Variants in NGLY1 observed in about 807,000 individuals in gnomAD.
The protein encoded by NGLY1 is peptide-N(4)-(N-acetyl-beta-glucosaminyl)asparagine amidase.
NGLY1 carries 68 observed loss-of-function variants against 84.6 expected under a neutral mutation model. The observed-to-expected ratio is 0.80, with a 90% CI of 0.66 to 0.98. The LOEUF (loss-of-function observed/expected upper bound fraction) is 0.98, where lower values mean the gene tolerates loss of function less well. Ranked by LOEUF, NGLY1 falls within the 50% of genes least tolerant of loss-of-function variation. NGLY1 has a pLI of 0.00. For synonymous variants in NGLY1, 280 were observed against 275.2 expected (o/e 1.02, Z -0.17); for missense variants, 779 against 770.2 (o/e 1.01, Z -0.14).
chr3:25,761,599 T>G (rs1707326862), intron 3 of NGLY1, among the ~76,000 whole-genome samples: 1 of 152,246 alleles, frequency 6.6e-6, no homozygotes, highest in African/African-American at 2.4e-5. Context: ...AAGCCTCACA[T>G]ATTTCTGATG....
intron 9 of NGLY1, 147 bp downstream of exon 9, chr3:25,732,172 G>T: frequency 1.6e-6 from 1 of 607,618 alleles, no homozygotes; most frequent in Non-Finnish European, 2.7e-6. Flanking sequence ...TCAATTACTG[G>T]TTCTCTTCAA....
chr3:25,788,401 T>C (rs971936203), upstream of NGLY1, among the ~76,000 whole-genome samples: 3 of 152,142 alleles, frequency 2.0e-5, no homozygotes, highest in African/African-American at 7.2e-5. Context: ...ATTTGAAGAT[T>C]TTGGTGCAAG....
intron 1 of NGLY1, chr3:25,789,836 C>T (rs1460435306): frequency 2.6e-6 from 4 of 1,551,614 alleles, no homozygotes; most frequent in Non-Finnish European, 3.5e-6. Context: ...AAGAAAAATG[C>T]CTTTTTGATG....
intron 3 of NGLY1, among the ~76,000 whole-genome samples, chr3:25,757,237 G>A (rs1411122915): frequency 6.6e-6 from 1 of 152,126 alleles, no homozygotes; most frequent in Non-Finnish European, 1.5e-5. Flanking sequence ...AACTTCATAG[G>A]AGATAAATAT....
chr3:25,759,106 G>C (rs1707180365), intron 3 of NGLY1, among the ~76,000 whole-genome samples: 1 of 152,238 alleles, frequency 6.6e-6, no homozygotes, highest in African/African-American at 2.4e-5. Flanking sequence ...TCCAAGATGG[G>C]GCACTGTCCA....
intron 2 of NGLY1, among the ~76,000 whole-genome samples, chr3:25,777,497 C>G (rs941207587): frequency 1.3e-5 from 2 of 151,426 alleles, no homozygotes; most frequent in East Asian, 1.9e-4. Context: ...GTGTCCTGGT[C>G]TCTGCCTCCC....
Position 25,718,977 on chromosome 3 carries a change from C to A in NGLY1, c.*483G>T, listed in dbSNP as rs895395651. 4 of 152,040 alleles carry A rather than the reference C, an allele frequency of 2.6e-5. No homozygotes were observed. Among genetic ancestry groups the A allele is most frequent in the African/African-American group, 9.7e-5 (4 of 41,402 alleles). 9.4% of individuals were successfully genotyped at this position (152,040 alleles called of 1,614,324 possible). A position where few individuals can be genotyped will look rare whatever the true frequency, so the allele number is the denominator to read the frequency against. ...AATACTTCATTTTATTTCTTAAATGCCTGAATATTTATAATCATATAAATT... is the reference window on the plus strand; with the variant it reads ...AATACTTCATTTTATTTCTTAAATGACTGAATATTTATAATCATATAAATT... On this transcript the variant is annotated 3_prime_UTR_variant, in exon 12 of 12. Coordinates refer to ENST00000280700, the MANE Select transcript of NGLY1 (RefSeq NM_018297.4).
At position 25,764,067 on chromosome 3, in the gene NGLY1, G is replaced by T. The variant is rs749441809; in HGVS notation, c.491C>A (p.Thr164Lys). The stretch of plus-strand genomic sequence containing the variant: ...AAGAAGGTTTAATTCTAACATTACC[G>T]TTGAAGCAGATGGTGGATCTGATGA... Reference protein sequence around the residue: ...GQSSDPPSASTVAADSAILEV... With the variant: ...GQSSDPPSASKVAADSAILEV... Residue 164 changes from threonine (T) to lysine (K), a missense_variant and splice_region_variant, in exon 3 of 12, where the codon ACG becomes AAG. By Grantham distance (78) the Thr-to-Lys change is moderately conservative (BLOSUM62 -1). Transcript: ENST00000280700. The T allele has an allele frequency of 1.2e-6, 2 of 1,613,972 alleles. No homozygotes were observed. The highest frequency in any genetic ancestry group is 2.2e-5 in the South Asian group (2 of 91,060).
chr3:25,785,063 A>G (rs1356919036), upstream of NGLY1, among the ~76,000 whole-genome samples: 1 of 151,730 alleles, frequency 6.6e-6, no homozygotes. Context: ...TCCACAGACA[A>G]TACTTGAAAA....
intron 10 of NGLY1, among the ~76,000 whole-genome samples, chr3:25,728,134 C>G (rs190012290): frequency 6.6e-6 from 1 of 152,014 alleles, no homozygotes; most frequent in Admixed American, 6.6e-5. Flanking sequence ...TAGTATTAGA[C>G]AATGTGATAT....
intron 4 of NGLY1, among the ~76,000 whole-genome samples, chr3:25,742,121 C>A (rs1706177841): frequency 6.6e-6 from 1 of 152,112 alleles, no homozygotes; most frequent in East Asian, 1.9e-4. Context: ...TAAGTGGAAA[C>A]AAATATTCTT....
intron 3 of NGLY1, among the ~76,000 whole-genome samples, chr3:25,759,667 T>C (rs561895863): frequency 6.6e-6 from 1 of 152,316 alleles, no homozygotes; most frequent in African/African-American, 2.4e-5. Flanking sequence ...GTACTAATGC[T>C]ACATAAGGCA....
intron 10 of NGLY1, 106 bp from the exon 11 acceptor site, chr3:25,720,297 T>C (rs897545945): frequency 2.3e-6 from 2 of 858,832 alleles, no homozygotes; most frequent in African/African-American, 3.5e-5. Context: ...TATGTACAAG[T>C]GGTTATTTAA....
chr3:25,740,957 T>C (rs1706106414), intron 4 of NGLY1, among the ~76,000 whole-genome samples: 1 of 151,782 alleles, frequency 6.6e-6, no homozygotes. Context: ...TGAAACTTCG[T>C]CTCTACTAAA....
At chr3:25,758,903 G>T (rs1346412518) in intron 3 of NGLY1, among the ~76,000 whole-genome samples, 2 of 152,156 alleles carry the variant, frequency 1.3e-5, no homozygotes, top group Non-Finnish European at 2.9e-5. Context: ...GAGCTTAAAG[G>T]TAAAGCTCTT....
chr3:25,768,998 G>A (rs539859717), intron 2 of NGLY1, among the ~76,000 whole-genome samples: 2 of 152,080 alleles, frequency 1.3e-5, no homozygotes, highest in Admixed American at 6.6e-5. Flanking sequence ...CAAATGACAA[G>A]GGATTAAGAA....
At chr3:25,785,135 C>CAAAAAAAAAAAA (rs1159268520), upstream of NGLY1, among the ~76,000 whole-genome samples, 2 of 76,986 alleles carry the variant, frequency 2.6e-5, no homozygotes, top group Non-Finnish European at 2.6e-5. Context: ...CCTGCTTGGA[C>CAAAAAAAAAAAA]AAAAAAAAAA....
At chr3:25,763,147 G>C (rs527298397) in intron 3 of NGLY1, among the ~76,000 whole-genome samples, 20 of 152,088 alleles carry the variant, frequency 1.3e-4, no homozygotes, top group South Asian at 6.2e-4. Context: ...CAAAACAAAA[G>C]AAAAGAAGTT....
At chr3:25,780,749 T>C (rs1239107254) in intron 1 of NGLY1, among the ~76,000 whole-genome samples, 1 of 151,740 alleles carries the variant, frequency 6.6e-6, no homozygotes, top group East Asian at 1.9e-4. Context: ...GCCTCTGAAG[T>C]AGCTAGGACT....
Sources: allele counts gnomAD v4.1 joint callset (sites outside exome capture counted in the v4.1 genomes callset), GRCh38; gene constraint gnomAD v4.1.1; transcripts MANE v1.5; gene names NCBI Gene and HGNC (gene_info 2026-07-23, HGNC 2026-07-21).